The following KCNAB1 variants were observed in gnomAD, a reference collection of about 807,000 sequenced individuals.
KCNAB1 encodes potassium voltage-gated channel subfamily A regulatory beta subunit 1, also known as voltage-gated potassium channel subunit beta-1.
In KCNAB1, 35 loss-of-function variants were observed where a neutral mutation model predicts 64.6. That is an observed-to-expected ratio of 0.54 (90% confidence interval 0.41 to 0.72). The LOEUF (loss-of-function observed/expected upper bound fraction) is 0.72, where lower values mean the gene tolerates loss of function less well. Among genes scored for constraint, KCNAB1 ranks in the 30% least tolerant of loss-of-function variants. KCNAB1 has a pLI of 0.00. For missense variants in KCNAB1, 401 were observed against 512.9 expected (o/e 0.78, Z 2.11); for synonymous variants, 177 against 183.8 (o/e 0.96, Z 0.30).
chr3:156,227,381 G>C (rs1463490342), intron 1 of KCNAB1, among the ~76,000 whole-genome samples: 1 of 152,158 alleles, frequency 6.6e-6, no homozygotes, highest in Non-Finnish European at 1.5e-5. Flanking sequence ...AGAAAAAAAA[G>C]TGTTTGAAAT....
chr3:156,315,080 C>T (rs566086822), intron 1 of KCNAB1, among the ~76,000 whole-genome samples: 1 of 152,234 alleles, frequency 6.6e-6, no homozygotes, highest in Admixed American at 6.5e-5. Context: ...AAGCAAGAGG[C>T]AGGAAACTGG....
At chr3:156,291,843 T>C (rs1013443935) in intron 1 of KCNAB1, 5 of 1,604,554 alleles carry the variant, frequency 3.1e-6, no homozygotes, top group East Asian at 2.2e-5. Context: ...CCGCAACTGC[T>C]CAACCTCTCG....
intron 1 of KCNAB1, among the ~76,000 whole-genome samples, chr3:156,253,053 T>C (rs529375282): frequency 6.6e-6 from 1 of 152,336 alleles, no homozygotes; most frequent in Non-Finnish European, 1.5e-5. Flanking sequence ...TATTGAATGG[T>C]TGAGTATTCT....
At position 156,235,507 on chromosome 3, in the gene KCNAB1, T is replaced by A. The variant is rs142558305; in HGVS notation, c.275+114621T>A. Among the ~76,000 whole-genome samples the A allele has an allele frequency of 6.3e-3, 960 of 152,302 alleles. 2 individuals carry two copies. The highest frequency in any genetic ancestry group is 0.01 in the Middle Eastern group (3 of 292). On this transcript the variant is annotated intron_variant, in intron 1 of 13. Transcript: ENST00000490337. Reference sequence around the variant, plus strand: ...CACATTCAGCTTCCCTGGGTGACAGTGTTACCCAGTGCAGTTCAAGCCTTG... The same window carrying A: ...CACATTCAGCTTCCCTGGGTGACAGAGTTACCCAGTGCAGTTCAAGCCTTG...
In KCNAB1 at chr3:156,235,388, T is replaced by C. The variant is rs946919527; in HGVS notation, c.275+114502T>C. ...CTTCATCTTTATCTCCTGGCTATAG[T>C]CTCATGTTGCTCGACTAAGCAGCAC... On this transcript the variant is annotated intron_variant, in intron 1 of 13. Coordinates refer to ENST00000490337, the MANE Select transcript of KCNAB1 (RefSeq NM_172160.3). 1.1e-4 allele frequency among the ~76,000 whole-genome samples: 16 copies of C among 152,324 alleles called. 1 individual carries two copies. Among genetic ancestry groups the C allele is most frequent in the African/African-American group, 3.8e-4 (16 of 41,586 alleles).
At chr3:156,313,819 T>A (rs761056294) in intron 1 of KCNAB1, among the ~76,000 whole-genome samples, 3 of 152,250 alleles carry the variant, frequency 2.0e-5, no homozygotes, top group African/African-American at 7.2e-5. Context: ...GTCATCATGT[T>A]AAAGCATCAA....
intron 1 of KCNAB1, among the ~76,000 whole-genome samples, chr3:156,153,467 G>T (rs957784607): frequency 2.6e-5 from 4 of 152,160 alleles, no homozygotes; most frequent in Non-Finnish European, 5.9e-5. Flanking sequence ...GATTAATTTT[G>T]TGTCAGTTTG....
chr3:156,443,774 AC>A (rs1559887251), intron 2 of KCNAB1, among the ~76,000 whole-genome samples: 5 of 146,768 alleles, frequency 3.4e-5, no homozygotes, highest in African/African-American at 1.3e-4. Flanking sequence ...ACACACACAC[AC>A]ACACACTATT....
chr3:156,476,772 T>A (rs1172299458), intron 8 of KCNAB1, among the ~76,000 whole-genome samples: 1 of 152,150 alleles, frequency 6.6e-6, no homozygotes, highest in Non-Finnish European at 1.5e-5. Flanking sequence ...AGTGTAGAAA[T>A]GTTCCAGTCA....
chr3:156,275,633 T>C (rs1719295004), intron 1 of KCNAB1, among the ~76,000 whole-genome samples: 1 of 152,230 alleles, frequency 6.6e-6, no homozygotes, highest in Admixed American at 6.5e-5. Flanking sequence ...TTTGTTGTCA[T>C]TTCAAGAATA....
At chr3:156,322,332 T>C (rs1722712615) in intron 1 of KCNAB1, among the ~76,000 whole-genome samples, 6 of 152,324 alleles carry the variant, frequency 3.9e-5, no homozygotes, top group Admixed American at 3.9e-4. Context: ...CAGTCAGCCC[T>C]TTGTAGTTAT....
intron 1 of KCNAB1, among the ~76,000 whole-genome samples, chr3:156,202,804 A>G (rs1004984672): frequency 6.6e-6 from 1 of 152,206 alleles, no homozygotes; most frequent in African/African-American, 2.4e-5. Flanking sequence ...AAAATTCTGA[A>G]TAAATAATAT....
intron 2 of KCNAB1, among the ~76,000 whole-genome samples, chr3:156,430,146 GC>G (rs1021577528): frequency 2.0e-5 from 3 of 152,266 alleles, no homozygotes; most frequent in African/African-American, 7.2e-5. Context: ...AGCAGGGACT[GC>G]TGGCCACATG....
intron 1 of KCNAB1, among the ~76,000 whole-genome samples, chr3:156,341,311 G>A (rs148652235): frequency 9.2e-5 from 14 of 152,270 alleles, no homozygotes; most frequent in African/African-American, 3.4e-4. Flanking sequence ...AAATCTAGAC[G>A]ACGAGTTAAG....
intron 1 of KCNAB1, among the ~76,000 whole-genome samples, chr3:156,201,011 G>A (rs962710449): frequency 6.6e-6 from 1 of 152,152 alleles, no homozygotes; most frequent in Admixed American, 6.5e-5. Context: ...CATGGGAGAA[G>A]CATAGTATCT....
chr3:156,486,568 A>T (rs1290928734), intron 8 of KCNAB1, among the ~76,000 whole-genome samples: 6 of 152,104 alleles, frequency 3.9e-5, no homozygotes, highest in African/African-American at 1.2e-4. Flanking sequence ...ATCCAGGGGT[A>T]AAGAGGTGGG....
At chr3:156,343,321 C>A (rs73873320) in intron 1 of KCNAB1, among the ~76,000 whole-genome samples, 3,860 of 152,314 alleles carry the variant, frequency 0.025, 81 homozygotes, top group African/African-American at 0.065. Context: ...CCAGGTGATG[C>A]TGTTGCTGCT....
intron 1 of KCNAB1, among the ~76,000 whole-genome samples, chr3:156,302,646 T>C (rs781542572): frequency 1.8e-4 from 27 of 152,208 alleles, no homozygotes; most frequent in Admixed American, 6.5e-4. Flanking sequence ...TAAAGTTTTA[T>C]CTTGGCCTTT....
intron 1 of KCNAB1, among the ~76,000 whole-genome samples, chr3:156,167,764 G>T (rs1049205385): frequency 2.0e-5 from 3 of 152,172 alleles, no homozygotes; most frequent in Non-Finnish European, 4.4e-5. Flanking sequence ...GGGATATTCA[G>T]CCAAGAGTCA....
Sources: gnomAD v4.1 joint callset for allele counts (sites outside exome capture counted in the v4.1 genomes callset) on GRCh38, gnomAD v4.1.1 for gene constraint, MANE v1.5 for transcripts, NCBI Gene and HGNC (gene_info 2026-07-23, HGNC 2026-07-21) for gene names.